The following POU2AF3 variants were observed in gnomAD, a reference collection of about 807,000 sequenced individuals.
The protein encoded by POU2AF3 is POU class 2 homeobox associating factor 3, also known as cancer susceptibility candidate 13.
At chr11:111,305,121 A>C in the POU2AF3 span, 2 of 437,202 alleles carry the variant, frequency 4.6e-6, no homozygotes, top group African/African-American at 4.1e-5. Context: ...TGAAAAAGGC[A>C]TAGTCACTCC....
the POU2AF3 span, chr11:111,299,766 G>A: frequency 1.7e-6 from 2 of 1,207,294 alleles, no homozygotes; most frequent in Non-Finnish European, 2.1e-6. Context: ...GAGCGGGGGC[G>A]AAGGAGGGAG....
At chr11:111,304,495 G>T in the POU2AF3 span, among the ~76,000 whole-genome samples, 3 of 152,008 alleles carry the variant, frequency 2.0e-5, no homozygotes, top group African/African-American at 7.2e-5. Flanking sequence ...AACTCCCCAA[G>T]CAAGCAAACA....
the POU2AF3 span, chr11:111,300,341 T>C: frequency 3.1e-5 from 11 of 349,632 alleles, no homozygotes; most frequent in Non-Finnish European, 5.1e-5. Flanking sequence ...TGAAACCTGC[T>C]CAGCTACTCT....
At chr11:111,302,555 G>A in the POU2AF3 span, among the ~76,000 whole-genome samples, 1 of 152,170 alleles carries the variant, frequency 6.6e-6, no homozygotes. Flanking sequence ...AGGAGCTAAT[G>A]TGAGGGTAAC....
chr11:111,306,005 A>C, the POU2AF3 span, among the ~76,000 whole-genome samples: 44 of 152,246 alleles, frequency 2.9e-4, no homozygotes, highest in Non-Finnish European at 2.9e-4. Context: ...AAGTTTTCTC[A>C]AAGCCTCAAC....
the POU2AF3 span, chr11:111,308,526 C>A: frequency 7.7e-7 from 1 of 1,298,346 alleles, no homozygotes; most frequent in Non-Finnish European, 1.0e-6. Context: ...AACTTGGTAA[C>A]ACAATATCCC....
the POU2AF3 span, among the ~76,000 whole-genome samples, chr11:111,302,168 C>T: frequency 6.6e-6 from 1 of 152,182 alleles, no homozygotes; most frequent in Admixed American, 6.5e-5. Flanking sequence ...CTTGAAGTTG[C>T]TCATGGCAAC....
chr11:111,308,329 A>G, the POU2AF3 span: 801,581 of 1,551,412 alleles, frequency 0.52, 215,542 homozygotes, highest in Non-Finnish European at 0.55. Flanking sequence ...CTCTCCAGGC[A>G]GCAGAGTACT....
At chr11:111,300,568 G>C in the POU2AF3 span, 11 of 1,232,220 alleles carry the variant, frequency 8.9e-6, no homozygotes, top group Non-Finnish European at 1.1e-5. Flanking sequence ...GAAGATCACA[G>C]TGAAGGAGCT....
chr11:111,306,427 C>G, the POU2AF3 span: 18 of 1,473,048 alleles, frequency 1.2e-5, no homozygotes, highest in African/African-American at 2.4e-4. Context: ...ATTTCTTCCA[C>G]GCCCAATTAT....
At chr11:111,305,067 A>C in the POU2AF3 span, 2 of 784,816 alleles carry the variant, frequency 2.5e-6, no homozygotes, top group Non-Finnish European at 3.5e-6. Context: ...TTCAGGGGTT[A>C]AGATAGGCAC....
At chr11:111,299,147 T>A in the POU2AF3 span, 111 of 948,110 alleles carry the variant, frequency 1.2e-4, no homozygotes, top group Non-Finnish European at 1.4e-4. Context: ...GAGCGCAATC[T>A]CCTTTCCTGG....
chr11:111,306,655 T>A, the POU2AF3 span: 1 of 1,464,910 alleles, frequency 6.8e-7, no homozygotes, highest in Non-Finnish European at 9.4e-7. Flanking sequence ...TATACCTGAT[T>A]GTGTCTAACT....
the POU2AF3 span, chr11:111,298,828 C>CGGGGGCG: frequency 9.7e-6 from 4 of 411,064 alleles, no homozygotes; most frequent in Non-Finnish European, 1.6e-5. Flanking sequence ...TACCCCAGGC[C>CGGGGGCG]CCCGCCCGCC....
the POU2AF3 span, chr11:111,306,278 AT>A: frequency 2.0e-6 from 1 of 492,904 alleles, no homozygotes; most frequent in African/African-American, 2.0e-5. Context: ...ACTTTTCTGG[AT>A]TTGTTAAGCC....
chr11:111,307,111 T>C, the POU2AF3 span, among the ~76,000 whole-genome samples: 20 of 152,186 alleles, frequency 1.3e-4, no homozygotes, highest in African/African-American at 4.8e-4. Flanking sequence ...AACTGATAGT[T>C]TGAGTCTGCT....
At chr11:111,303,550 A>C in the POU2AF3 span, among the ~76,000 whole-genome samples, 1 of 152,318 alleles carries the variant, frequency 6.6e-6, no homozygotes, top group East Asian at 1.9e-4. Flanking sequence ...CAAACAGGCC[A>C]ATCCGGGGGA....
At chr11:111,303,159 C>T in the POU2AF3 span, among the ~76,000 whole-genome samples, 1 of 152,092 alleles carries the variant, frequency 6.6e-6, no homozygotes, top group African/African-American at 2.4e-5. Flanking sequence ...CAAGCAGTGC[C>T]GGAAGAAACT....
the POU2AF3 span, among the ~76,000 whole-genome samples, chr11:111,307,388 G>A: frequency 2.0e-5 from 3 of 152,176 alleles, no homozygotes; most frequent in African/African-American, 7.2e-5. Context: ...TCAAAAGTCT[G>A]TGTGGGCATC....
Sources: gnomAD v4.1 joint callset for allele counts (sites outside exome capture counted in the v4.1 genomes callset) on GRCh38, gnomAD v4.1.1 for gene constraint, MANE v1.5 for transcripts, NCBI Gene and HGNC (gene_info 2026-07-23, HGNC 2026-07-21) for gene names.